The following AMBRA1 variants were observed in gnomAD, a reference collection of about 807,000 sequenced individuals.
AMBRA1 encodes the protein activating molecule in BECN1-regulated autophagy protein 1.
Under a neutral mutation model 125.4 loss-of-function variants are expected in AMBRA1, and 47 were observed. The ratio of observed to expected loss-of-function variants is 0.37; its 90% confidence interval spans 0.30 to 0.48. The LOEUF (loss-of-function observed/expected upper bound fraction) is 0.48, where lower values mean the gene tolerates loss of function less well. Ranked by LOEUF, AMBRA1 falls within the 20% of genes least tolerant of loss-of-function variation. The pLI is 0.99. For missense variants in AMBRA1, 1,331 were observed against 1,693.4 expected (o/e 0.79, Z 3.76); for synonymous variants, 626 against 655.5 (o/e 0.95, Z 0.69).
intron 7 of AMBRA1, among the ~76,000 whole-genome samples, chr11:46,517,559 G>T (rs371432446): frequency 6.9e-6 from 1 of 145,426 alleles, no homozygotes; most frequent in Non-Finnish European, 1.5e-5. Flanking sequence ...AACAGGCCGG[G>T]TGCAGTGGCT....
intron 11 of AMBRA1, among the ~76,000 whole-genome samples, chr11:46,447,335 G>T (rs1948341067): frequency 6.6e-6 from 1 of 152,014 alleles, no homozygotes; most frequent in Non-Finnish European, 1.5e-5. Context: ...AGGAGTTCGA[G>T]ACCAGCGTGA....
intron 9 of AMBRA1, among the ~76,000 whole-genome samples, chr11:46,497,875 G>C (rs1313730288): frequency 6.6e-6 from 1 of 152,186 alleles, no homozygotes; most frequent in Non-Finnish European, 1.5e-5. Flanking sequence ...AAGATTCAGA[G>C]ATAATGGGTT....
At chr11:46,525,628 G>T (rs1433985455) in intron 7 of AMBRA1, among the ~76,000 whole-genome samples, 1 of 152,142 alleles carries the variant, frequency 6.6e-6, no homozygotes, top group East Asian at 1.9e-4. Flanking sequence ...GCACGTGCCT[G>T]TAGTCCCAGC....
At chr11:46,515,943 G>C (rs930349567) in intron 7 of AMBRA1, among the ~76,000 whole-genome samples, 3 of 152,144 alleles carry the variant, frequency 2.0e-5, no homozygotes, top group African/African-American at 7.2e-5. Flanking sequence ...CAAAGTGCTG[G>C]GATTACAGGT....
intron 7 of AMBRA1, 48 bp from the exon 8 acceptor site, chr11:46,512,861 C>G: frequency 6.5e-7 from 1 of 1,531,702 alleles, no homozygotes; most frequent in Non-Finnish European, 9.0e-7. Context: ...ATTACCAACT[C>G]AGAGGTCATT....
Position 46,508,234 on chromosome 11 carries a change from C to T in AMBRA1, c.2296G>A (p.Gly766Ser). 1 of 1,614,106 alleles carries T rather than the reference C, an allele frequency of 6.2e-7. No individual in the cohort carries two copies. The highest frequency in any genetic ancestry group is 8.5e-7 in the Non-Finnish European group (1 of 1,179,996). ...STSSSSSDNQ[G>S]PSVEGTDLEF... is the part of the protein sequence containing the mutation. ...AAGTCGGTTCCCTCTACTGATGGAC[C>T]CTGGTTGTCTGAGGAAGAGGAGGAG... The change falls in exon 9 of 18, where the codon GGT (glycine) becomes AGT (serine). Residue 766 changes from glycine to serine, a missense_variant. Around this residue, in one of 4 missense-constraint regions of AMBRA1, gnomAD observed 689 missense variants for 776.5 expected, o/e 0.89. Transcript: ENST00000683756.
chr11:46,410,557 T>A (rs1275746865), intron 15 of AMBRA1, among the ~76,000 whole-genome samples, 189 bp from the exon 16 acceptor site: 1 of 152,094 alleles, frequency 6.6e-6, no homozygotes, highest in Non-Finnish European at 1.5e-5. Context: ...TTCAGACAAA[T>A]CTCTAATAGC....
chr11:46,532,051 G>A (rs181644224), intron 7 of AMBRA1, among the ~76,000 whole-genome samples: 11 of 151,582 alleles, frequency 7.3e-5, no homozygotes, highest in Admixed American at 4.6e-4. Flanking sequence ...CCTGGGAGGC[G>A]GAAGTTGCAG....
At chr11:46,554,474 T>C (rs2043107063) in intron 1 of AMBRA1, among the ~76,000 whole-genome samples, 1 of 152,162 alleles carries the variant, frequency 6.6e-6, no homozygotes, top group Non-Finnish European at 1.5e-5. Context: ...AACATTTCTA[T>C]CAATTTCCAG....
intron 7 of AMBRA1, among the ~76,000 whole-genome samples, chr11:46,526,216 T>A (rs1403757251): frequency 2.6e-5 from 4 of 151,628 alleles, no homozygotes; most frequent in Admixed American, 6.6e-5. Context: ...CAAAAATAAA[T>A]AAAAAACAAT....
At chr11:46,593,541 T>C (rs1254428707) in intron 1 of AMBRA1, among the ~76,000 whole-genome samples, 1 of 152,142 alleles carries the variant, frequency 6.6e-6, no homozygotes, top group African/African-American at 2.4e-5. Context: ...CGCAAAGCTC[T>C]ATCGGTTCCT....
At chr11:46,421,711 TTAGCCCTACA>T (rs1404590119) in intron 14 of AMBRA1, among the ~76,000 whole-genome samples, 1 of 152,210 alleles carries the variant, frequency 6.6e-6, no homozygotes, top group African/African-American at 2.4e-5. Context: ...CCTCTCACAA[TTAGCCCTACA>T]GATGAGAGAC....
At chr11:46,508,967 T>A (rs1461147446) in intron 8 of AMBRA1, among the ~76,000 whole-genome samples, 1 of 152,218 alleles carries the variant, frequency 6.6e-6, no homozygotes, top group Non-Finnish European at 1.5e-5. Flanking sequence ...CCCTTAAGAA[T>A]TAGTCATAGA....
intron 11 of AMBRA1, among the ~76,000 whole-genome samples, chr11:46,461,426 A>G (rs879780083): frequency 3.3e-5 from 5 of 152,218 alleles, no homozygotes; most frequent in Non-Finnish European, 7.3e-5. Context: ...AAGTATTTTT[A>G]AAATTTCTCA....
At chr11:46,562,790 T>C (rs1404948925) in intron 1 of AMBRA1, among the ~76,000 whole-genome samples, 1 of 149,166 alleles carries the variant, frequency 6.7e-6, no homozygotes, top group Non-Finnish European at 1.5e-5. Flanking sequence ...ATAAATATAA[T>C]GCAACATTGG....
intron 11 of AMBRA1, among the ~76,000 whole-genome samples, chr11:46,473,789 T>C (rs1949702045): frequency 6.6e-6 from 1 of 152,220 alleles, no homozygotes; most frequent in Admixed American, 6.5e-5. Context: ...TAGCTGGCAC[T>C]ACGGACACCC....
intron 14 of AMBRA1, among the ~76,000 whole-genome samples, chr11:46,429,358 G>A (rs1027224897): frequency 7.2e-5 from 11 of 152,202 alleles, no homozygotes; most frequent in African/African-American, 2.7e-4. Context: ...GATGGGAGCC[G>A]ATGGAACTCG....
chr11:46,560,483 G>C (rs1258768367), intron 1 of AMBRA1, among the ~76,000 whole-genome samples: 1 of 152,150 alleles, frequency 6.6e-6, no homozygotes, highest in Admixed American at 6.6e-5. Flanking sequence ...GAAAGCTTGT[G>C]CTCAAAACAA....
At chr11:46,576,898 C>T (rs891785567) in intron 1 of AMBRA1, among the ~76,000 whole-genome samples, 6 of 152,198 alleles carry the variant, frequency 3.9e-5, no homozygotes, top group Non-Finnish European at 8.8e-5. Flanking sequence ...CATGCAGATG[C>T]TGTGCTTCAA....
Sources: gnomAD v4.1 joint callset for allele counts (sites outside exome capture counted in the v4.1 genomes callset) on GRCh38, gnomAD v4.1.1 for gene constraint, gnomAD v4.1.1 regional missense constraint, MANE v1.5 for transcripts, NCBI Gene and HGNC (gene_info 2026-07-23, HGNC 2026-07-21) for gene names.